The following NHSL1 variants were observed in gnomAD, a reference collection of about 807,000 sequenced individuals.
NHSL1 encodes NHS like 1, also known as NHS-like protein 1.
A neutral mutation model predicts 95.0 loss-of-function variants in NHSL1; 48 were observed. The ratio of observed to expected loss-of-function variants is 0.51; its 90% CI spans 0.40 to 0.64. The LOEUF is 0.64. Ranked by LOEUF, NHSL1 falls within the 30% of genes least tolerant of loss-of-function variation. The pLI is 0.00. For synonymous variants in NHSL1, 783 were observed against 833.9 expected, an observed-to-expected ratio of 0.94 and a Z score of 1.05; for missense variants, 1,971 against 2,077.7, an observed-to-expected ratio of 0.95 and a Z score of 1.00.
intron 1 of NHSL1, among the ~76,000 whole-genome samples, chr6:138,606,828 G>T (rs563064612): frequency 1.3e-5 from 2 of 150,528 alleles, no homozygotes; most frequent in South Asian, 4.2e-4. Flanking sequence ...TCAGCCTCTC[G>T]AATAGCTGGG....
At chr6:138,527,010 C>T (rs1024164163) in intron 1 of NHSL1, among the ~76,000 whole-genome samples, 10 of 152,160 alleles carry the variant, frequency 6.6e-5, no homozygotes, top group African/African-American at 2.2e-4. Flanking sequence ...CACTTCAGAA[C>T]GGCACTCTAC....
At chr6:138,494,976 C>T (rs571392095) in intron 2 of NHSL1, among the ~76,000 whole-genome samples, 9 of 152,332 alleles carry the variant, frequency 5.9e-5, no homozygotes, top group African/African-American at 1.9e-4. Context: ...GGTGCAGTGG[C>T]TCATGCCTGT....
Position 138,447,080 on chromosome 6 carries a change from A to T in NHSL1, c.453T>A (p.Leu151=), listed in dbSNP as rs201375907. The T allele has an allele frequency of 1.3e-6, 2 of 1,551,752 alleles. No individual in the cohort carries two copies. Among genetic ancestry groups the T allele is most frequent in the Non-Finnish European group, 1.7e-6 (2 of 1,147,022 alleles). ...TCTTCTCTTCTGGTGTTGGCAGTGG[A>T]AGCGACTTGGTCCAGTTCGTCTGAG... ...LNTQTNWTKS[L]PLPTPEEKMR... Residue 151 remains leucine, a synonymous_variant, in exon 4 of 8, where the codon CTT becomes CTA. Transcript: ENST00000343505.
At chr6:138,555,058 C>G (rs1783143604) in intron 1 of NHSL1, among the ~76,000 whole-genome samples, 1 of 152,160 alleles carries the variant, frequency 6.6e-6, no homozygotes, top group Non-Finnish European at 1.5e-5. Flanking sequence ...GGCAGACCAT[C>G]TTCAGGGGTG....
intron 5 of NHSL1, among the ~76,000 whole-genome samples, chr6:138,440,194 T>C (rs994754914): frequency 6.6e-6 from 1 of 152,208 alleles, no homozygotes; most frequent in Non-Finnish European, 1.5e-5. Context: ...AGTATAAATG[T>C]TGCTGGAATG....
intron 2 of NHSL1, among the ~76,000 whole-genome samples, chr6:138,483,042 C>T (rs1264310405): frequency 6.6e-6 from 1 of 152,202 alleles, no homozygotes. Flanking sequence ...AATGCTGATG[C>T]AGCTGTCCTG....
At chr6:138,629,445 C>T (rs954292214) in intron 1 of NHSL1, among the ~76,000 whole-genome samples, 4 of 151,472 alleles carry the variant, frequency 2.6e-5, no homozygotes, top group Admixed American at 6.6e-5. Context: ...TGCAGTGTCG[C>T]GATCTCGGCT....
Position 138,423,248 on chromosome 6 carries a change from C to G in NHSL1, c.*833G>C, listed in dbSNP as rs544706195. 6.6e-6 allele frequency: 1 copy of G among 152,286 alleles called. No individual in the cohort carries two copies. Among genetic ancestry groups the G allele is most frequent in the African/African-American group, 2.4e-5 (1 of 41,550 alleles). 9.4% of individuals were successfully genotyped at this position (152,286 alleles called of 1,614,324 possible). ...ATCACTTACTCCTTTCCAACCCTTC[C>G]CCTCTCTCTATGTCCACACCATCAC... is the stretch of plus-strand genomic sequence containing the variant. On this transcript the variant is annotated 3_prime_UTR_variant, in exon 8 of 8. Coordinates refer to ENST00000343505, the MANE Select transcript of NHSL1 (RefSeq NM_001144060.2).
chr6:138,438,283 G>C (rs576719460), intron 5 of NHSL1, among the ~76,000 whole-genome samples: 1 of 152,290 alleles, frequency 6.6e-6, no homozygotes, highest in South Asian at 2.1e-4. Context: ...CCAGCAAAAA[G>C]ATGACAACTG....
intron 1 of NHSL1, among the ~76,000 whole-genome samples, chr6:138,569,245 ATGTGTGTGTGTG>A (rs58789555): frequency 4.7e-5 from 7 of 147,404 alleles, no homozygotes; most frequent in Non-Finnish European, 9.0e-5. Context: ...TTGTGTGTAT[ATGTGTGTGTGTG>A]TGTGTGTGTG....
intron 1 of NHSL1, among the ~76,000 whole-genome samples, chr6:138,535,693 G>A (rs1376613281): frequency 1.6e-4 from 24 of 152,130 alleles, no homozygotes; most frequent in Admixed American, 1.6e-3. Flanking sequence ...TAGGGGTGGG[G>A]GACAGGAATT....
At chr6:138,473,459 A>C in intron 2 of NHSL1, 26 bp from the exon 3 acceptor site, 3 of 1,390,180 alleles carry the variant, frequency 2.2e-6, no homozygotes, top group Non-Finnish European at 2.8e-6. Flanking sequence ...CAGGGAGGGG[A>C]AGGAGGCCAT....
intron 2 of NHSL1, among the ~76,000 whole-genome samples, chr6:138,479,801 T>C (rs1017740563): frequency 6.6e-6 from 1 of 152,182 alleles, no homozygotes; most frequent in Admixed American, 6.5e-5. Context: ...CTTCTGTAAT[T>C]TGTCATGATG....
chr6:138,667,585 C>T (rs2114750639), intron 1 of NHSL1, among the ~76,000 whole-genome samples: 1 of 152,276 alleles, frequency 6.6e-6, no homozygotes, highest in South Asian at 2.1e-4. Flanking sequence ...AAAAGGAGGA[C>T]AAAATGTCAA....
At chr6:138,488,094 A>G (rs1414908841) in intron 2 of NHSL1, among the ~76,000 whole-genome samples, 1 of 152,176 alleles carries the variant, frequency 6.6e-6, no homozygotes, top group Non-Finnish European at 1.5e-5. Flanking sequence ...CCTGGCCAAC[A>G]TGGCAAAATC....
chr6:138,602,256 T>A (rs1250662786), intron 1 of NHSL1, among the ~76,000 whole-genome samples: 1 of 152,256 alleles, frequency 6.6e-6, no homozygotes, highest in African/African-American at 2.4e-5. Context: ...CAGCATTTTG[T>A]AATTTTCAGC....
At position 138,424,211 on chromosome 6, in the gene NHSL1, C is replaced by G; in HGVS notation, c.4691G>C (p.Gly1564Ala). 1 of 1,501,618 alleles carries G rather than the reference C, an allele frequency of 6.7e-7. No individual in the cohort carries two copies. The highest frequency in any genetic ancestry group is 2.5e-5 in the East Asian group (1 of 40,572). The allele number at this position is 1,501,618 out of a possible 1,614,324, so 93.0% of individuals were successfully genotyped here. A position where few individuals can be genotyped will look rare whatever the true frequency, so the allele number is the denominator to read the frequency against. ...GGCAGGCCCCTCCCCACAGAGCAGG[C>G]CGCCCTCGTCCATCTCCTCCCTCGC... ...GLAREEMDEG[G>A]LLCGEGPAAS... Residue 1564 changes from glycine to alanine, a missense_variant, in exon 8 of 8, where the codon GGC becomes GCC. Gly to Ala is a moderately conservative substitution (Grantham distance 60). Transcript: ENST00000343505. The surrounding 1 kb of genome is among the most constrained non-coding windows in gnomAD (Gnocchi z 5.9).
At chr6:138,477,388 C>T (rs1344312033) in intron 2 of NHSL1, among the ~76,000 whole-genome samples, 1 of 152,150 alleles carries the variant, frequency 6.6e-6, no homozygotes, top group African/African-American at 2.4e-5. Flanking sequence ...TTGCTTGAGG[C>T]CAGGAGTTCA....
chr6:138,672,834 T>G (rs998671224), intron 1 of NHSL1, among the ~76,000 whole-genome samples: 1 of 152,068 alleles, frequency 6.6e-6, no homozygotes, highest in Non-Finnish European at 1.5e-5. Context: ...CTGGCCAACA[T>G]GATGAAACCT....
Sources: allele counts gnomAD v4.1 joint callset (sites outside exome capture counted in the v4.1 genomes callset), GRCh38; gene constraint gnomAD v4.1.1; non-coding constraint Gnocchi (gnomAD v3.1); transcripts MANE v1.5; gene names NCBI Gene and HGNC (gene_info 2026-07-23, HGNC 2026-07-21).